TCF12: variants seen among roughly 807,000 people sequenced by gnomAD.
TCF12 encodes the protein transcription factor 12.
A neutral mutation model predicts 86.0 loss-of-function variants in TCF12; 45 were observed. That is an observed-to-expected ratio of 0.52 (90% CI 0.41 to 0.67). The LOEUF is 0.67. TCF12 is among the 30% of genes least tolerant of loss of function. The probability of loss-of-function intolerance (pLI) is 0.00; values close to 1 mark genes in which losing one functional copy is unlikely to be tolerated. For synonymous variants in TCF12, 330 were observed against 299.6 expected (o/e 1.10, Z -1.05); for missense variants, 881 against 859.9 (o/e 1.02, Z -0.31).
At chr15:57,122,633 C>CT (rs1345696971) in intron 5 of TCF12, among the ~76,000 whole-genome samples, 1 of 152,234 alleles carries the variant, frequency 6.6e-6, no homozygotes, top group South Asian at 2.1e-4. Context: ...TGTGCTACTA[C>CT]TATAGTTTCT....
At chr15:57,020,786 TA>T (rs1229329684) in intron 3 of TCF12, among the ~76,000 whole-genome samples, 17 of 152,212 alleles carry the variant, frequency 1.1e-4, no homozygotes, top group African/African-American at 3.4e-4. Flanking sequence ...GTAACAATGC[TA>T]AGCTTTCTTT....
Position 57,193,617 on chromosome 15 carries a change from C to T in TCF12, c.526+1324C>T, listed in dbSNP as rs191023158. Among the ~76,000 whole-genome samples the T allele has an allele frequency of 1.5e-3, 235 of 152,266 alleles. 1 individual carries two copies. The highest frequency in any genetic ancestry group is 5.4e-3 in the African/African-American group (224 of 41,558). ...AAGCATTTTTAAATTAAAAGTGGGC[C>T]AGCTTCTAATATATAGTCCACCAAA... On this transcript the variant is annotated intron_variant, in intron 7 of 20. Coordinates refer to ENST00000333725, the MANE Select transcript of TCF12 (RefSeq NM_207037.2).
intron 8 of TCF12, among the ~76,000 whole-genome samples, chr15:57,229,794 C>T (rs1366921633): frequency 6.6e-6 from 1 of 151,850 alleles, no homozygotes; most frequent in African/African-American, 2.4e-5. Flanking sequence ...CCATCAGTCT[C>T]CTCATGCAAG....
chr15:57,052,470 C>G (rs1282635177), intron 3 of TCF12, among the ~76,000 whole-genome samples: 7 of 151,924 alleles, frequency 4.6e-5, no homozygotes, highest in African/African-American at 1.7e-4. Flanking sequence ...AACCCCTTCT[C>G]TACTAAAAAT....
chr15:57,041,040 A>T (rs555547598), intron 3 of TCF12, among the ~76,000 whole-genome samples: 6 of 152,344 alleles, frequency 3.9e-5, no homozygotes, highest in African/African-American at 1.2e-4. Context: ...TCAGGTATTA[A>T]CTTTAACAAA....
At chr15:57,192,329 T>G in intron 7 of TCF12, 36 bp downstream of exon 7, 1 of 1,599,300 alleles carries the variant, frequency 6.3e-7, no homozygotes, top group South Asian at 1.1e-5. Flanking sequence ...ATCCCACATA[T>G]GTTGTTGTTG....
intron 4 of TCF12, among the ~76,000 whole-genome samples, chr15:57,086,165 T>C (rs1596463218): frequency 6.7e-6 from 1 of 150,190 alleles, no homozygotes; most frequent in South Asian, 2.1e-4. Context: ...ATAGGGTCCC[T>C]GTGCTCTCAG....
rs1857046064 is a variant in TCF12, at chr15:57,243,522, A to G, written c.1086A>G (p.Thr362=). The change falls in exon 13 of 21, where the codon ACA becomes ACG. Residue 362 remains threonine, a synonymous_variant. Coordinates refer to ENST00000333725, the MANE Select transcript of TCF12 (RefSeq NM_207037.2). ...TSSSFPSNPS[T]PVGSPSPLTG... The stretch of plus-strand genomic sequence containing the variant: ...GTAGTTTTCCGTCAAATCCATCAAC[A>G]CCAGTTGGATCACCTTCACCTCTCA... The G allele has an allele frequency of 1.2e-6, 2 of 1,613,970 alleles. No homozygotes were observed. The highest frequency in any genetic ancestry group is 1.7e-5 in the Admixed American group (1 of 60,010).
intron 3 of TCF12, among the ~76,000 whole-genome samples, chr15:56,954,108 G>C (rs2140477783): frequency 6.6e-6 from 1 of 151,736 alleles, no homozygotes; most frequent in South Asian, 2.1e-4. Context: ...TGATATATTG[G>C]ATTGTTATTT....
At chr15:57,278,978 T>A (rs1414391648) in intron 19 of TCF12, among the ~76,000 whole-genome samples, 1 of 151,140 alleles carries the variant, frequency 6.6e-6, no homozygotes, top group East Asian at 1.9e-4. Flanking sequence ...TTTTCTTGTC[T>A]TGTATTTTCT....
At chr15:57,118,709 T>C (rs1410128062) in intron 5 of TCF12, among the ~76,000 whole-genome samples, 1 of 152,220 alleles carries the variant, frequency 6.6e-6, no homozygotes, top group East Asian at 1.9e-4. Flanking sequence ...TTTCAGATTT[T>C]TATGTCTAAT....
chr15:57,130,354 T>G (rs2169465), intron 5 of TCF12, among the ~76,000 whole-genome samples: 72,783 of 152,040 alleles, frequency 0.48, 18,000 homozygotes, highest in East Asian at 0.62. Flanking sequence ...GATTTTTTTT[T>G]TGTGGATTTT....
chr15:56,921,187 T>G, intron 3 of TCF12, 89 bp downstream of exon 3: 1 of 915,092 alleles, frequency 1.1e-6, no homozygotes, highest in Admixed American at 3.0e-5. Context: ...TTAAATATTA[T>G]TGAATATATG....
intron 8 of TCF12, among the ~76,000 whole-genome samples, chr15:57,199,386 T>C (rs2057425183): frequency 6.6e-6 from 1 of 152,094 alleles, no homozygotes; most frequent in South Asian, 2.1e-4. Flanking sequence ...TTACTGTAAT[T>C]CAATGAGAGT....
At chr15:56,960,814 G>A (rs540326854) in intron 3 of TCF12, among the ~76,000 whole-genome samples, 1 of 151,680 alleles carries the variant, frequency 6.6e-6, no homozygotes. Context: ...ATTAATATTT[G>A]GATTCTCAAC....
chr15:56,928,577 A>T (rs1460326450), intron 3 of TCF12, among the ~76,000 whole-genome samples: 1 of 152,222 alleles, frequency 6.6e-6, no homozygotes, highest in East Asian at 1.9e-4. Flanking sequence ...GTAATCAGGC[A>T]TACAAGTAGT....
intron 3 of TCF12, among the ~76,000 whole-genome samples, chr15:57,050,733 A>C (rs377614665): frequency 5.3e-5 from 8 of 152,154 alleles, no homozygotes; most frequent in African/African-American, 1.9e-4. Flanking sequence ...TTAATATTGA[A>C]TAATTTTATA....
At chr15:57,046,016 A>G (rs2067209513) in intron 3 of TCF12, among the ~76,000 whole-genome samples, 1 of 152,232 alleles carries the variant, frequency 6.6e-6, no homozygotes, top group African/African-American at 2.4e-5. Context: ...TCACTGAAAA[A>G]TTGCCAAATG....
intron 16 of TCF12, among the ~76,000 whole-genome samples, chr15:57,260,166 A>C (rs2060523556): frequency 6.6e-6 from 1 of 152,204 alleles, no homozygotes; most frequent in Non-Finnish European, 1.5e-5. Flanking sequence ...TAGTGTAAAA[A>C]TATTTCCTGG....
Sources: allele counts gnomAD v4.1 joint callset (sites outside exome capture counted in the v4.1 genomes callset), GRCh38; gene constraint gnomAD v4.1.1; transcripts MANE v1.5; gene names NCBI Gene and HGNC (gene_info 2026-07-23, HGNC 2026-07-21).